Variants in PXT1 observed in about 807,000 individuals in gnomAD.
The protein encoded by PXT1 is peroxisomal testis-specific protein 1.
In PXT1, 11 loss-of-function variants were observed where a neutral mutation model predicts 11.0. The observed-to-expected ratio is 1.00, with a 90% CI of 0.63 to 1.66. The LOEUF is 1.66. PXT1 is among the 40% of genes most tolerant of loss of function. The pLI is 0.00. For missense variants in PXT1, 141 were observed against 155.5 expected (o/e 0.91, Z 0.49); for synonymous variants, 43 against 51.4 (o/e 0.84, Z 0.70).
intron 3 of PXT1, among the ~76,000 whole-genome samples, chr6:36,424,725 T>G (rs1384648736): frequency 7.4e-6 from 1 of 135,956 alleles, no homozygotes; most frequent in African/African-American, 2.8e-5. Flanking sequence ...ACCAGGCCGG[T>G]CGCGGTGGCT....
intron 3 of PXT1, among the ~76,000 whole-genome samples, chr6:36,401,324 G>A (rs1344065778): frequency 6.6e-6 from 1 of 152,052 alleles, no homozygotes; most frequent in Non-Finnish European, 1.5e-5. Flanking sequence ...TAGATTTCAT[G>A]AAGTTGACAG....
chr6:36,395,877 A>G (rs951842877), intron 4 of PXT1, among the ~76,000 whole-genome samples: 3 of 151,976 alleles, frequency 2.0e-5, no homozygotes, highest in Non-Finnish European at 4.4e-5. Context: ...GTGGTGGGCA[A>G]CTGTGGTCCC....
intron 3 of PXT1, among the ~76,000 whole-genome samples, chr6:36,408,656 A>G (rs1301549097): frequency 6.8e-6 from 1 of 147,942 alleles, no homozygotes; most frequent in Non-Finnish European, 1.5e-5. Context: ...CCTTGAGCCC[A>G]GGAGTTCAGG....
Position 36,391,888 on chromosome 6 carries a change from G to A in PXT1, c.301-14C>T. 3 of 1,484,532 alleles carry A rather than the reference G, an allele frequency of 2.0e-6. No individual in the cohort carries two copies. Among genetic ancestry groups the A allele is most frequent in the South Asian group, 2.4e-5 (2 of 82,556 alleles). 92.0% of individuals were successfully genotyped at this position (1,484,532 alleles called of 1,614,324 possible). On this transcript the variant is annotated splice_polypyrimidine_tract_variant and intron_variant, in intron 4 of 4. Transcript: ENST00000454782. The stretch of plus-strand genomic sequence containing the variant: ...CTGTTGAAGATCCTATTTGAAAAAA[G>A]GGAGACACAGAGAAAGGTTTTTTTT...
intron 2 of PXT1, among the ~76,000 whole-genome samples, chr6:36,428,136 G>A (rs1368386083): frequency 6.6e-6 from 1 of 152,076 alleles, no homozygotes; most frequent in Non-Finnish European, 1.5e-5. Context: ...ATCAGCCCTG[G>A]ATGAACTGAT....
chr6:36,415,090 C>A (rs1774429216), intron 3 of PXT1, among the ~76,000 whole-genome samples: 1 of 152,054 alleles, frequency 6.6e-6, no homozygotes, highest in African/African-American at 2.4e-5. Flanking sequence ...ATTTAGCAGG[C>A]CTACAAATCA....
intron 4 of PXT1, among the ~76,000 whole-genome samples, chr6:36,396,519 C>T (rs376482557): frequency 1.3e-5 from 2 of 152,224 alleles, no homozygotes; most frequent in East Asian, 1.9e-4. Flanking sequence ...TCCCGCATGG[C>T]GCCGGAGGCA....
intron 3 of PXT1, among the ~76,000 whole-genome samples, chr6:36,413,841 A>T (rs934612284): frequency 1.3e-5 from 2 of 152,144 alleles, no homozygotes; most frequent in African/African-American, 4.8e-5. Flanking sequence ...GTACAAAAAA[A>T]TTTAAAAATT....
intron 2 of PXT1, among the ~76,000 whole-genome samples, chr6:36,426,621 C>G (rs748278002): frequency 6.6e-6 from 1 of 152,144 alleles, no homozygotes; most frequent in African/African-American, 2.4e-5. Flanking sequence ...CCGCCTGCCT[C>G]AGCCTCCCAA....
In PXT1 at chr6:36,426,165, T is replaced by C. The variant is rs910822848; in HGVS notation, c.-9-74A>G. ...ATTTGGTATTTTAGATAAATATTAA[T>C]GTTTTAACAATATCAGCAGCATTTA... On this transcript the variant is annotated intron_variant, in intron 2 of 4. Transcript: ENST00000454782. 4.8e-5 allele frequency: 45 copies of C among 935,402 alleles called. No homozygotes were observed. The African/African-American group carries it at 6.7e-4, about 14-fold the overall frequency. 57.9% of individuals were successfully genotyped at this position (935,402 alleles called of 1,614,324 possible). A position where few individuals can be genotyped will look rare whatever the true frequency, so the allele number is the denominator to read the frequency against.
intron 3 of PXT1, among the ~76,000 whole-genome samples, chr6:36,423,177 G>C (rs1237207638): frequency 1.3e-5 from 2 of 152,204 alleles, no homozygotes; most frequent in African/African-American, 4.8e-5. Flanking sequence ...TTTTCAGTCT[G>C]TCTGTGTCAC....
At chr6:36,416,957 A>G (rs1258856311) in intron 3 of PXT1, among the ~76,000 whole-genome samples, 3 of 152,236 alleles carry the variant, frequency 2.0e-5, no homozygotes, top group Non-Finnish European at 4.4e-5. Context: ...TCATCCTACA[A>G]AATGGGAGTT....
chr6:36,424,622 G>A (rs189138489), intron 3 of PXT1, among the ~76,000 whole-genome samples: 1 of 152,172 alleles, frequency 6.6e-6, no homozygotes, highest in Non-Finnish European at 1.5e-5. Context: ...CTGGGTGACA[G>A]TGCGAGACTC....
chr6:36,419,755 T>TTGTAAAA (rs1774497568), intron 3 of PXT1, among the ~76,000 whole-genome samples: 1 of 152,200 alleles, frequency 6.6e-6, no homozygotes, highest in African/African-American at 2.4e-5. Flanking sequence ...TGTCTTGAAG[T>TTGTAAAA]CAGCTCTCCT....
intron 3 of PXT1, among the ~76,000 whole-genome samples, chr6:36,411,754 C>A (rs1233346287): frequency 2.0e-5 from 3 of 151,754 alleles, no homozygotes; most frequent in Non-Finnish European, 2.9e-5. Flanking sequence ...GCAACCTGGG[C>A]AACATAGTGA....
Position 36,391,577 on chromosome 6 carries a change from T to C in PXT1, c.*193A>G. ...CCGTGATGTGATCGCAGACATCTCA[T>C]AGCTAGCTCCTCCGAAGAGACAAAT... is the stretch of plus-strand genomic sequence containing the variant. On this transcript the variant is annotated 3_prime_UTR_variant, in exon 5 of 5. Coordinates refer to ENST00000454782, the MANE Select transcript of PXT1 (RefSeq NM_152990.4). 3.3e-6 allele frequency: 2 copies of C among 602,394 alleles called. No homozygotes were observed. The highest frequency in any genetic ancestry group is 5.9e-6 in the Non-Finnish European group (2 of 338,174). 37.3% of individuals were successfully genotyped at this position (602,394 alleles called of 1,614,324 possible).
At chr6:36,420,102 GT>G (rs1774502657) in intron 3 of PXT1, among the ~76,000 whole-genome samples, 1 of 152,176 alleles carries the variant, frequency 6.6e-6, no homozygotes, top group African/African-American at 2.4e-5. Flanking sequence ...GTCAGCCACT[GT>G]TGTAAAAGCC....
chr6:36,409,924 A>G (rs1774343205), intron 3 of PXT1, among the ~76,000 whole-genome samples: 1 of 149,996 alleles, frequency 6.7e-6, no homozygotes, highest in Non-Finnish European at 1.5e-5. Context: ...GGAGAAAGGA[A>G]GAAAGGACGA....
intron 3 of PXT1, among the ~76,000 whole-genome samples, chr6:36,409,429 G>A (rs375033919): frequency 8.5e-5 from 13 of 152,212 alleles, no homozygotes; most frequent in African/African-American, 3.1e-4. Flanking sequence ...ACTGGGAGAG[G>A]GAGACGCACC....
Sources: gnomAD v4.1 joint callset for allele counts (sites outside exome capture counted in the v4.1 genomes callset) on GRCh38, gnomAD v4.1.1 for gene constraint, MANE v1.5 for transcripts, NCBI Gene and HGNC (gene_info 2026-07-23, HGNC 2026-07-21) for gene names.